ELOVL6: variants seen among roughly 807,000 people sequenced by gnomAD.
ELOVL6 encodes the protein ELOVL fatty acid elongase 6, also known as very long chain fatty acid elongase 6.
ELOVL6 carries 8 observed loss-of-function variants against 31.7 expected under a neutral mutation model. The ratio of observed to expected loss-of-function variants is 0.25; its 90% CI spans 0.15 to 0.45. The LOEUF is 0.45. ELOVL6 is among the 20% of genes least tolerant of loss of function. ELOVL6 has a pLI of 1.00. For missense variants in ELOVL6, 126 were observed against 326.4 expected (o/e 0.39, Z 4.73); for synonymous variants, 101 against 117.7 (o/e 0.86, Z 0.92).
rs1302104500 is a variant in ELOVL6 at position 110,198,297 on chromosome 4, G to A, written c.39C>T (p.Phe13=). ...CTTCATTCTCGTTGAACTGCTTTTC[G>A]AATTCATATTCTTGTAAAGTCAACA... is the stretch of plus-strand genomic sequence containing the variant. ...MSVLTLQEYE[F]EKQFNENEAI... Residue 13 remains phenylalanine (F), a synonymous_variant, in exon 1 of 4, where the codon TTC becomes TTT. Coordinates refer to ENST00000302274, the MANE Select transcript of ELOVL6 (RefSeq NM_024090.3). 1 of 1,612,300 alleles carries A rather than the reference G, an allele frequency of 6.2e-7. No homozygotes were observed. Among genetic ancestry groups the A allele is most frequent in the Admixed American group, 1.7e-5 (1 of 60,012 alleles).
rs1578292772 is a variant in ELOVL6 at position 110,191,483 on chromosome 4, A to T, written c.89+6764T>A. Among the ~76,000 whole-genome samples, 3 of 152,344 alleles carry T rather than the reference A, an allele frequency of 2.0e-5. No individual in the cohort carries two copies. In the East Asian group the frequency reaches 5.8e-4, roughly 29 times the overall value. ...AAGGGAGGGCTGAGGCAAACTTTGT[A>T]GAATGATGTCTGGTTCCTATTAATA... On this transcript the variant is annotated intron_variant, in intron 1 of 3. Transcript: ENST00000302274.
chr4:110,090,902 C>T (rs1020583773), intron 2 of ELOVL6, among the ~76,000 whole-genome samples: 7 of 151,920 alleles, frequency 4.6e-5, no homozygotes, highest in African/African-American at 7.3e-5. Context: ...CACTCCTGGC[C>T]GAGAGTTTGA....
intron 1 of ELOVL6, among the ~76,000 whole-genome samples, chr4:110,113,464 T>A (rs1454044610): frequency 1.3e-5 from 2 of 151,566 alleles, no homozygotes; most frequent in Non-Finnish European, 2.9e-5. Context: ...ATGCCTGTAG[T>A]CCTAGCTACT....
At chr4:110,084,363 A>G (rs1450065573) in intron 2 of ELOVL6, among the ~76,000 whole-genome samples, 1 of 50,740 alleles carries the variant, frequency 2.0e-5, no homozygotes, top group East Asian at 6.3e-4. Flanking sequence ...TATATACCGC[A>G]TATATGATAT....
chr4:110,143,293 T>C (rs1758015871), intron 1 of ELOVL6, among the ~76,000 whole-genome samples: 1 of 152,068 alleles, frequency 6.6e-6, no homozygotes, highest in Non-Finnish European at 1.5e-5. Context: ...ATCTTTACCA[T>C]ATGATTTTTA....
At chr4:110,056,278 C>T (rs1209797010) in intron 3 of ELOVL6, among the ~76,000 whole-genome samples, 17 of 152,094 alleles carry the variant, frequency 1.1e-4, no homozygotes, top group East Asian at 5.8e-4. Context: ...ATAATCCAAA[C>T]GGGTAAATCT....
intron 1 of ELOVL6, among the ~76,000 whole-genome samples, chr4:110,189,657 T>G (rs1759555096): frequency 6.7e-6 from 1 of 149,132 alleles, no homozygotes; most frequent in Admixed American, 6.7e-5. Flanking sequence ...TTATACTTGT[T>G]TACTTGTTTC....
chr4:110,161,202 G>A (rs983549021), intron 1 of ELOVL6, among the ~76,000 whole-genome samples: 9 of 152,116 alleles, frequency 5.9e-5, no homozygotes, highest in South Asian at 4.1e-4. Flanking sequence ...GCAGAAGCTC[G>A]TAGTTTACTC....
chr4:110,119,429 T>A (rs1490017272), intron 1 of ELOVL6, among the ~76,000 whole-genome samples: 1 of 152,246 alleles, frequency 6.6e-6, no homozygotes, highest in African/African-American at 2.4e-5. Flanking sequence ...CACAGGCCTT[T>A]GCTCCCCTAA....
At chr4:110,124,407 G>C (rs1029655639) in intron 1 of ELOVL6, among the ~76,000 whole-genome samples, 1 of 152,114 alleles carries the variant, frequency 6.6e-6, no homozygotes, top group African/African-American at 2.4e-5. Flanking sequence ...CCTTTGCAGG[G>C]ACATGGATGA....
intron 1 of ELOVL6, among the ~76,000 whole-genome samples, chr4:110,141,554 G>C (rs566562034): frequency 1.2e-3 from 188 of 151,780 alleles, no homozygotes; most frequent in African/African-American, 4.4e-3. Context: ...TACAGATGAT[G>C]GAGAAAAACC....
At chr4:110,117,219 C>T (rs899646413) in intron 1 of ELOVL6, among the ~76,000 whole-genome samples, 1 of 152,104 alleles carries the variant, frequency 6.6e-6, no homozygotes, top group Non-Finnish European at 1.5e-5. Flanking sequence ...AATTATCCAG[C>T]CCCCAAAAAT....
intron 1 of ELOVL6, among the ~76,000 whole-genome samples, chr4:110,181,298 A>G (rs1222483113): frequency 6.6e-6 from 1 of 151,892 alleles, no homozygotes; most frequent in Non-Finnish European, 1.5e-5. Flanking sequence ...AATACAAAAA[A>G]TTAGCTAAGT....
intron 2 of ELOVL6, among the ~76,000 whole-genome samples, chr4:110,084,401 G>GATATATCGC (rs1306585444): frequency 1.1e-4 from 2 of 17,508 alleles, no homozygotes; most frequent in East Asian, 1.4e-3. Context: ...TATGATATAT[G>GATATATCGC]ATATATGACA....
intron 1 of ELOVL6, among the ~76,000 whole-genome samples, chr4:110,175,807 G>A (rs958396922): frequency 3.3e-5 from 5 of 152,158 alleles, no homozygotes; most frequent in African/African-American, 1.2e-4. Context: ...GCCTTCATAG[G>A]AAGGGTAAGT....
intron 1 of ELOVL6, among the ~76,000 whole-genome samples, chr4:110,166,605 G>A (rs1043962927): frequency 2.0e-5 from 3 of 151,946 alleles, no homozygotes; most frequent in African/African-American, 4.8e-5. Context: ...GTGAAACTCC[G>A]TCTCAAAAAA....
intron 1 of ELOVL6, among the ~76,000 whole-genome samples, chr4:110,194,915 A>C (rs893977601): frequency 1.3e-5 from 2 of 152,228 alleles, no homozygotes; most frequent in Admixed American, 6.5e-5. Context: ...CCTGTTACTA[A>C]GAAGAGATTT....
chr4:110,060,470 C>G (rs1241647653), intron 2 of ELOVL6, among the ~76,000 whole-genome samples: 1 of 152,098 alleles, frequency 6.6e-6, no homozygotes, highest in East Asian at 1.9e-4. Flanking sequence ...TGTTTAATCT[C>G]CACATAGGCA....
At chr4:110,091,872 GC>G (rs1253129672) in intron 2 of ELOVL6, among the ~76,000 whole-genome samples, 2 of 152,196 alleles carry the variant, frequency 1.3e-5, no homozygotes, top group East Asian at 3.8e-4. Context: ...GAAGTATTAT[GC>G]CCCGGATCAA....
Sources: allele counts gnomAD v4.1 joint callset (sites outside exome capture counted in the v4.1 genomes callset), GRCh38; gene constraint gnomAD v4.1.1; transcripts MANE v1.5; gene names NCBI Gene and HGNC (gene_info 2026-07-23, HGNC 2026-07-21).